The following UNC93A variants were observed in gnomAD, a reference collection of about 807,000 sequenced individuals.
The protein encoded by UNC93A is N-acetylglucosamine transporter UNC93A.
In UNC93A, 43 loss-of-function variants were observed where a neutral mutation model predicts 47.5. The ratio of observed to expected loss-of-function variants is 0.91; its 90% CI spans 0.71 to 1.17. The LOEUF (loss-of-function observed/expected upper bound fraction) is 1.17. UNC93A is among the 50% of genes most tolerant of loss of function. The pLI, the probability that UNC93A is intolerant of heterozygous loss-of-function variation, is 0.00. For missense variants in UNC93A, 605 were observed against 577.6 expected (o/e 1.05, Z -0.49); for synonymous variants, 280 against 258.0 (o/e 1.09, Z -0.82).
upstream of UNC93A, among the ~76,000 whole-genome samples, chr6:167,269,895 G>C (rs1008132567): frequency 6.6e-6 from 1 of 152,086 alleles, no homozygotes; most frequent in Non-Finnish European, 1.5e-5. Context: ...GATTACAGGC[G>C]TGAGCCACTG....
At chr6:167,286,280 C>T (rs1294955022) in intron 1 of UNC93A, among the ~76,000 whole-genome samples, 1 of 152,144 alleles carries the variant, frequency 6.6e-6, no homozygotes, top group Non-Finnish European at 1.5e-5. Context: ...GAGAAGTTTC[C>T]AGCAGGAGCA....
rs540062708 is a variant in UNC93A at position 167,313,102 on chromosome 6, T to A, written c.1109-2085T>A. On this transcript the variant is annotated intron_variant, in intron 7 of 7. Transcript: ENST00000230256. Reference sequence around the variant, plus strand: ...AGCTGGATTAGCAGACAGGCAGGAGTGAGGGTGTCACCTCTGTCTGGGGCC... The same window carrying A: ...AGCTGGATTAGCAGACAGGCAGGAGAGAGGGTGTCACCTCTGTCTGGGGCC... Among the ~76,000 whole-genome samples the A allele has an allele frequency of 1.1e-4, 16 of 152,200 alleles. 1 individual carries two copies. In the South Asian group the frequency reaches 3.3e-3, roughly 32 times the overall value.
chr6:167,285,951 T>C (rs1240969016), intron 1 of UNC93A, among the ~76,000 whole-genome samples: 7 of 140,268 alleles, frequency 5.0e-5, no homozygotes, highest in African/African-American at 1.8e-4. Flanking sequence ...TCTCTCTCTC[T>C]CTCTCTCTCT....
chr6:167,300,458 G>C (rs1778210721), intron 4 of UNC93A, among the ~76,000 whole-genome samples: 1 of 152,084 alleles, frequency 6.6e-6, no homozygotes. Context: ...AGGGCCCCTA[G>C]GAGGCTCAGG....
intron 1 of UNC93A, among the ~76,000 whole-genome samples, chr6:167,284,941 C>T (rs1338666650): frequency 2.6e-5 from 4 of 152,266 alleles, no homozygotes; most frequent in South Asian, 4.1e-4. Context: ...GGTGGTATCA[C>T]GCTGTAAGCA....
At chr6:167,309,940 G>A (rs191871352) in intron 7 of UNC93A, among the ~76,000 whole-genome samples, 254 of 152,320 alleles carry the variant, frequency 1.7e-3, no homozygotes, top group African/African-American at 6.0e-3. Context: ...GCTGGAAGGG[G>A]TAGACTGGAC....
In UNC93A at chr6:167,305,881, C is replaced by T. The variant is rs111600683; in HGVS notation, c.841-34C>T. On this transcript the variant is annotated intron_variant, in intron 5 of 7. Transcript: ENST00000230256. ...AGCTTGAGCACGGGAGGCCTGGGAG[C>T]GTCCATGACGTGGCTCTGCACCCCT... 8.6e-5 allele frequency: 139 copies of T among 1,613,200 alleles called. 1 individual carries two copies. In the East Asian group the frequency reaches 2.6e-3, roughly 30 times the overall value.
chr6:167,278,433 C>T (rs1341581812), intron 1 of UNC93A, among the ~76,000 whole-genome samples: 1 of 152,182 alleles, frequency 6.6e-6, no homozygotes, highest in Non-Finnish European at 1.5e-5. Flanking sequence ...GCTGCAGCAC[C>T]ACAACTCCAT....
chr6:167,315,144 T>C (rs1778655726), intron 7 of UNC93A, 43 bp from the exon 8 acceptor site: 2 of 1,607,538 alleles, frequency 1.2e-6, no homozygotes, highest in Non-Finnish European at 1.7e-6. Context: ...AGGGTCACTG[T>C]GGGGCCCATG....
chr6:167,294,439 G>A (rs1777988627), intron 1 of UNC93A, 78 bp from the exon 2 acceptor site: 1 of 1,541,174 alleles, frequency 6.5e-7, no homozygotes, highest in Admixed American at 1.8e-5. Flanking sequence ...TCCAGCCTGG[G>A]GGACACTGAG....
At position 167,315,532 on chromosome 6, in the gene UNC93A, C is replaced by T. The variant is rs1778670687; in HGVS notation, c.*80C>T. ...TTAGAAGATGCCTCAGGACATAGAG[C>T]GGCTCCTCATCACCATCTCAGCACA... On this transcript the variant is annotated 3_prime_UTR_variant, in exon 8 of 8. Transcript: ENST00000230256. 29 of 1,604,078 alleles carry T rather than the reference C, an allele frequency of 1.8e-5. No homozygotes were observed. Among genetic ancestry groups the T allele is most frequent in the Middle Eastern group, 1.8e-4 (1 of 5,528 alleles).
rs558415122 is a variant in UNC93A, at chr6:167,294,585, G to T, written c.156G>T (p.Leu52=). 1.1e-5 allele frequency: 18 copies of T among 1,613,984 alleles called. No individual in the cohort carries two copies. In the South Asian group the frequency reaches 1.8e-4, roughly 16 times the overall value. The change falls in exon 2 of 8, where the codon CTG becomes CTT. Residue 52 remains leucine (L), a synonymous_variant. Coordinates refer to ENST00000230256, the MANE Select transcript of UNC93A (RefSeq NM_018974.4). ...ALSTLYGGML[L]SSMFLPPLLI... is the part of the protein sequence containing the mutation. ...GCACCCTCTATGGAGGCATGCTCCT[G>T]TCCTCCATGTTCCTCCCACCGCTCC...
rs777989306 is a variant in UNC93A, at chr6:167,306,036, T to C, written c.962T>C (p.Val321Ala). 4 of 1,614,172 alleles carry C rather than the reference T, an allele frequency of 2.5e-6. No homozygotes were observed. In the South Asian group the frequency reaches 4.4e-5, roughly 18 times the overall value. Residue 321 changes from valine to alanine, a missense_variant, in exon 6 of 8, where the codon GTG becomes GCG. Physicochemically the swap from Val to Ala is moderately conservative, Grantham distance 64 (BLOSUM62 0). Transcript: ENST00000230256. Reference sequence around the variant, plus strand: ...GTCTCGCAGTACACGGGCAGGGCTGTGCTGTACGTGCTGGGTAGGTATCAG... The same window carrying C: ...GTCTCGCAGTACACGGGCAGGGCTGCGCTGTACGTGCTGGGTAGGTATCAG... ...GKVSQYTGRAVLYVLGAVTHV... is the reference protein window; with the variant it reads ...GKVSQYTGRAALYVLGAVTHV...
chr6:167,312,385 C>A (rs1370090212), intron 7 of UNC93A, among the ~76,000 whole-genome samples: 1 of 152,088 alleles, frequency 6.6e-6, no homozygotes, highest in African/African-American at 2.4e-5. Flanking sequence ...AGCCAGCAGT[C>A]AAGAAGACAG....
At chr6:167,291,099 A>G (rs997626861), upstream of UNC93A, among the ~76,000 whole-genome samples, 12 of 152,300 alleles carry the variant, frequency 7.9e-5, no homozygotes, top group African/African-American at 2.9e-4. Flanking sequence ...CTTACTGTGG[A>G]AGGTTCTATT....
Position 167,291,374 on chromosome 6 carries a change from TGA to T in UNC93A, c.-107_-106del. ...TCTAACATTTCACCTCTAGCTCAGA[TGA>T]GAGAGAGAATGGGACTTCTTGGTAC... On this transcript the variant is annotated 5_prime_UTR_variant, in exon 1 of 8. An upstream open reading frame in the 5' UTR gains an earlier in-frame stop. Transcript: ENST00000230256. 5.0e-6 allele frequency: 4 copies of T among 805,304 alleles called. No homozygotes were observed. The highest frequency in any genetic ancestry group is 1.9e-5 in the South Asian group (1 of 52,248). The allele number at this position is 805,304 out of a possible 1,614,324, so 49.9% of individuals were successfully genotyped here.
At chr6:167,277,637 C>A (rs1783565211) in intron 1 of UNC93A, among the ~76,000 whole-genome samples, 1 of 152,092 alleles carries the variant, frequency 6.6e-6, no homozygotes, top group African/African-American at 2.4e-5. Flanking sequence ...GACTTTCTCT[C>A]TCTCTGTCTC....
At chr6:167,286,217 C>T (rs1301902308) in intron 1 of UNC93A, among the ~76,000 whole-genome samples, 1 of 152,140 alleles carries the variant, frequency 6.6e-6, no homozygotes, top group Non-Finnish European at 1.5e-5. Context: ...TATCGAGTAC[C>T]TTTCCAGTCT....
chr6:167,294,601 C>T lies in UNC93A; in HGVS notation c.172C>T (p.Pro58Ser). 1 of 1,613,996 alleles carries T rather than the reference C, an allele frequency of 6.2e-7. No individual in the cohort carries two copies. Among genetic ancestry groups the T allele is most frequent in the Non-Finnish European group, 8.5e-7 (1 of 1,179,948 alleles). Residue 58 changes from proline to serine, a missense_variant, in exon 2 of 8, where the codon CCA becomes TCA. Transcript: ENST00000230256. ...CATGCTCCTGTCCTCCATGTTCCTC[C>T]CACCGCTCCTCATCGAGAGGCTGGG... Reference protein sequence around the residue: ...GGMLLSSMFLPPLLIERLGCK... With the variant: ...GGMLLSSMFLSPLLIERLGCK...
Sources: gnomAD v4.1 joint callset for allele counts (sites outside exome capture counted in the v4.1 genomes callset) on GRCh38, gnomAD v4.1.1 for gene constraint, MANE v1.5 for transcripts, NCBI Gene and HGNC (gene_info 2026-07-23, HGNC 2026-07-21) for gene names.